EYS: variants seen among roughly 807,000 people sequenced by gnomAD.
EYS encodes the protein EGF-like photoreceptor maintenance factor.
In EYS, 250 loss-of-function variants were observed where a neutral mutation model predicts 282.1. The ratio of observed to expected loss-of-function variants is 0.89; its 90% confidence interval spans 0.80 to 0.98. The LOEUF (loss-of-function observed/expected upper bound fraction) is 0.98. Among genes scored for constraint, EYS ranks in the 50% least tolerant of loss-of-function variants. EYS has a pLI of 0.00. For synonymous variants in EYS, 1,355 were observed against 1,282.9 expected, an observed-to-expected ratio of 1.06 and a Z score of -1.20; for missense variants, 4,016 against 3,709.0, an observed-to-expected ratio of 1.08 and a Z score of -2.15.
intron 11 of EYS, among the ~76,000 whole-genome samples, chr6:65,334,059 A>T (rs1194715072): frequency 6.6e-6 from 1 of 151,778 alleles, no homozygotes; most frequent in Non-Finnish European, 1.5e-5. Context: ...GAAAACAGCC[A>T]GTCTAAACGT....
chr6:63,990,734 G>A (rs1253948115), intron 34 of EYS, among the ~76,000 whole-genome samples: 3 of 151,646 alleles, frequency 2.0e-5, no homozygotes, highest in African/African-American at 7.3e-5. Context: ...GGGGGCTTCT[G>A]TCTCACTAGT....
intron 14 of EYS, among the ~76,000 whole-genome samples, chr6:64,982,141 A>G (rs1188655976): frequency 6.6e-6 from 1 of 151,388 alleles, no homozygotes; most frequent in Non-Finnish European, 1.5e-5. Context: ...TTCAGTAAGC[A>G]CAATCAATGT....
At chr6:64,106,626 T>TTGTGTGTGTG (rs35062611) in intron 31 of EYS, among the ~76,000 whole-genome samples, 1 of 150,486 alleles carries the variant, frequency 6.6e-6, no homozygotes, top group Non-Finnish European at 1.5e-5. Flanking sequence ...GTAGCTGGTT[T>TTGTGTGTGTG]TGTGTGTGTG....
intron 19 of EYS, among the ~76,000 whole-genome samples, chr6:64,884,578 A>AG (rs952172470): frequency 1.3e-5 from 2 of 151,574 alleles, no homozygotes; most frequent in African/African-American, 4.8e-5. Context: ...CTTGAAAAAA[A>AG]GATTTCCAGA....
chr6:65,253,577 T>C (rs1474239200), intron 12 of EYS, among the ~76,000 whole-genome samples: 1 of 151,892 alleles, frequency 6.6e-6, no homozygotes, highest in African/African-American at 2.4e-5. Flanking sequence ...TTATAAGTCA[T>C]ATACATATTA....
intron 30 of EYS, among the ~76,000 whole-genome samples, chr6:64,280,727 A>T (rs889918114): frequency 6.6e-6 from 1 of 152,116 alleles, no homozygotes; most frequent in South Asian, 2.1e-4. Context: ...AATCAAATAA[A>T]ACAGCTAGAA....
chr6:64,242,446 G>T (rs527634339), intron 30 of EYS, among the ~76,000 whole-genome samples: 63 of 150,554 alleles, frequency 4.2e-4, no homozygotes, highest in Admixed American at 8.6e-4. Context: ...AGTTTTTTTT[G>T]TTGTTGTTGT....
At chr6:64,686,244 T>A (rs1770095562) in intron 22 of EYS, among the ~76,000 whole-genome samples, 1 of 151,698 alleles carries the variant, frequency 6.6e-6, no homozygotes, top group African/African-American at 2.4e-5. Context: ...AAGATAAATT[T>A]CAATAAAATA....
intron 5 of EYS, among the ~76,000 whole-genome samples, chr6:65,457,001 C>T (rs909897069): frequency 1.4e-5 from 2 of 144,616 alleles, no homozygotes; most frequent in African/African-American, 4.9e-5. Context: ...AACTTCTTTA[C>T]CCCCTTGAGT....
At chr6:64,434,842 C>G (rs1774685987) in intron 28 of EYS, among the ~76,000 whole-genome samples, 1 of 151,956 alleles carries the variant, frequency 6.6e-6, no homozygotes, top group Non-Finnish European at 1.5e-5. Context: ...TATTTTTTTA[C>G]TCTTTTTCAG....
chr6:64,868,040 CAT>C (rs949477477), intron 19 of EYS, among the ~76,000 whole-genome samples: 2 of 151,240 alleles, frequency 1.3e-5, no homozygotes, highest in African/African-American at 4.8e-5. Context: ...TTCGAATACT[CAT>C]AAAATATATA....
At chr6:64,544,788 T>A (rs1764799113) in intron 26 of EYS, among the ~76,000 whole-genome samples, 1 of 152,032 alleles carries the variant, frequency 6.6e-6, no homozygotes, top group Admixed American at 6.6e-5. Flanking sequence ...GGACAAATTC[T>A]TCAACACATA....
intron 26 of EYS, among the ~76,000 whole-genome samples, chr6:64,457,787 T>C (rs986835798): frequency 1.2e-5 from 1 of 81,992 alleles, no homozygotes; most frequent in Non-Finnish European, 2.2e-5. Flanking sequence ...AGTTGGGTCA[T>C]TTTTTTTCCC....
intron 22 of EYS, among the ~76,000 whole-genome samples, chr6:64,662,207 G>A (rs1769055650): frequency 7.7e-6 from 1 of 130,698 alleles, no homozygotes; most frequent in Non-Finnish European, 1.6e-5. Context: ...CACAGGAAGG[G>A]GAACATCACA....
chr6:65,249,225 C>A (rs1767257030), intron 12 of EYS, among the ~76,000 whole-genome samples: 1 of 151,846 alleles, frequency 6.6e-6, no homozygotes, highest in African/African-American at 2.4e-5. Flanking sequence ...ATGATGAACA[C>A]CAACCCCCAA....
At chr6:64,630,887 A>G (rs1040676881) in intron 22 of EYS, among the ~76,000 whole-genome samples, 9 of 152,238 alleles carry the variant, frequency 5.9e-5, no homozygotes, top group African/African-American at 2.2e-4. Flanking sequence ...GTAAAAATTT[A>G]TAACATGGGG....
At chr6:65,374,728 C>A (rs1451886226) in intron 8 of EYS, among the ~76,000 whole-genome samples, 1 of 152,038 alleles carries the variant, frequency 6.6e-6, no homozygotes, top group Non-Finnish European at 1.5e-5. Flanking sequence ...GGGGTATCCG[C>A]CTTTACTGAG....
At chr6:64,178,713 A>G (rs1477336367) in intron 31 of EYS, among the ~76,000 whole-genome samples, 1 of 152,064 alleles carries the variant, frequency 6.6e-6, no homozygotes, top group Non-Finnish European at 1.5e-5. Context: ...GAGGATATTT[A>G]AAAAGCACTT....
Position 65,491,111 on chromosome 6 carries a change from C to A in EYS, c.749-404G>T, listed in dbSNP as rs189874904. ...ATGTGTACTGTTTCTCAGACTTACC[C>A]CCTAGCCAAGGGAACAATTCAAAAG... is the stretch of plus-strand genomic sequence containing the variant. On this transcript the variant is annotated intron_variant, in intron 4 of 42. Transcript: ENST00000503581. 2.1e-3 allele frequency among the ~76,000 whole-genome samples: 312 copies of A among 152,102 alleles called. 2 individuals are homozygous for A. The highest frequency in any genetic ancestry group is 7.3e-3 in the African/African-American group (301 of 41,506).
Sources: allele counts gnomAD v4.1 joint callset (sites outside exome capture counted in the v4.1 genomes callset), GRCh38; gene constraint gnomAD v4.1.1; transcripts MANE v1.5; gene names NCBI Gene and HGNC (gene_info 2026-07-23, HGNC 2026-07-21).